Variants in PDLIM5 observed in about 807,000 individuals in gnomAD.
The protein encoded by PDLIM5 is PDZ and LIM domain protein 5.
PDLIM5 carries 34 observed loss-of-function variants against 64.2 expected under a neutral mutation model. The ratio of observed to expected loss-of-function variants is 0.53; its 90% CI spans 0.40 to 0.71. The LOEUF is 0.71. PDLIM5 is among the 30% of genes least tolerant of loss of function. The pLI is 0.00. For missense variants in PDLIM5, 683 were observed against 733.6 expected, an observed-to-expected ratio of 0.93 and a Z score of 0.80; for synonymous variants, 253 against 269.1, an observed-to-expected ratio of 0.94 and a Z score of 0.59.
chr4:94,458,704 G>T (rs1167874007), intron 2 of PDLIM5, among the ~76,000 whole-genome samples: 1 of 152,108 alleles, frequency 6.6e-6, no homozygotes, highest in Non-Finnish European at 1.5e-5. Context: ...CACTAGCAGG[G>T]ACTTGAACAT....
chr4:94,563,626 T>C (rs1734028862), intron 3 of PDLIM5, among the ~76,000 whole-genome samples: 1 of 152,216 alleles, frequency 6.6e-6, no homozygotes, highest in Non-Finnish European at 1.5e-5. Context: ...AGGTTTGCAA[T>C]TTAACACGTT....
At chr4:94,501,913 C>T (rs527930684) in intron 2 of PDLIM5, among the ~76,000 whole-genome samples, 1 of 152,184 alleles carries the variant, frequency 6.6e-6, no homozygotes, top group Non-Finnish European at 1.5e-5. Flanking sequence ...CTTCTTTCCT[C>T]TCTGGATGAG....
At chr4:94,497,723 G>A (rs1560656552) in intron 2 of PDLIM5, among the ~76,000 whole-genome samples, 1 of 152,148 alleles carries the variant, frequency 6.6e-6, no homozygotes, top group Non-Finnish European at 1.5e-5. Flanking sequence ...GAAATGTTTT[G>A]TGTTAACTGT....
chr4:94,473,967 C>T (rs948055844), intron 2 of PDLIM5, among the ~76,000 whole-genome samples: 2 of 152,108 alleles, frequency 1.3e-5, no homozygotes, highest in African/African-American at 4.8e-5. Context: ...CAATAATACT[C>T]ACTTTAAAAA....
At chr4:94,504,988 A>T (rs1165245682) in intron 2 of PDLIM5, among the ~76,000 whole-genome samples, 2 of 152,204 alleles carry the variant, frequency 1.3e-5, no homozygotes, top group Non-Finnish European at 2.9e-5. Flanking sequence ...ATTTTATAAC[A>T]GTGCCCTGAG....
intron 8 of PDLIM5, among the ~76,000 whole-genome samples, chr4:94,618,551 TAAC>T (rs1311991197): frequency 6.6e-6 from 1 of 152,162 alleles, no homozygotes; most frequent in African/African-American, 2.4e-5. Flanking sequence ...TATGTACAAA[TAAC>T]AACCACAGAA....
At chr4:94,497,803 T>C (rs1727540069) in intron 2 of PDLIM5, among the ~76,000 whole-genome samples, 1 of 152,106 alleles carries the variant, frequency 6.6e-6, no homozygotes. Flanking sequence ...TCTTAGGAGA[T>C]TTTGGGCCAC....
intron 8 of PDLIM5, among the ~76,000 whole-genome samples, chr4:94,631,394 C>T (rs147615205): frequency 4.6e-5 from 7 of 152,164 alleles, no homozygotes; most frequent in African/African-American, 7.2e-5. Flanking sequence ...TTACAGAATA[C>T]ATGAAGGGCT....
Position 94,501,554 on chromosome 4 carries a change from CTAA to C in PDLIM5, c.97-22163_97-22161del, listed in dbSNP as rs1051086076. Among the ~76,000 whole-genome samples the C allele has an allele frequency of 7.2e-5, 11 of 152,266 alleles. No homozygotes were observed. The South Asian group carries it at 1.9e-3, about 26-fold the overall frequency. ...GACAGTAATTTTATGTCTGTTGAAT[CTAA>C]TAATAAGAATTTGGGGCCTGTATTT... On this transcript the variant is annotated intron_variant, in intron 2 of 12. Transcript: ENST00000317968.
rs149043355 is a variant in PDLIM5 at position 94,553,432 on chromosome 4, C to T, written c.249-19919C>T. Reference sequence around the variant, plus strand: ...CCAAATGATCGGTTTTAGTTATTAGCGTCTGACTTCCTTTTGCGATAGTAC... The same window carrying T: ...CCAAATGATCGGTTTTAGTTATTAGTGTCTGACTTCCTTTTGCGATAGTAC... On this transcript the variant is annotated intron_variant, in intron 3 of 12. Transcript: ENST00000317968. Among the ~76,000 whole-genome samples, 11 of 152,286 alleles carry T rather than the reference C, an allele frequency of 7.2e-5. No homozygotes were observed. The East Asian group carries it at 1.9e-3, about 27-fold the overall frequency.
Position 94,455,368 on chromosome 4 carries a change from C to G in PDLIM5, c.80C>G (p.Pro27Arg). Residue 27 changes from proline (P) to arginine (R), a missense_variant, in exon 2 of 13, where the codon CCT becomes CGT. Pro to Arg is a moderately radical substitution (Grantham distance 103). Transcript: ENST00000317968. ...CAGGGCGGTAAGGATTTCAACATGC[C>G]TCTGACAATCTCTAGTGTAAGTAAA... The part of the protein sequence containing the change: ...RLQGGKDFNM[P>R]LTISSLKDGG... 2 of 1,606,234 alleles carry G rather than the reference C, an allele frequency of 1.2e-6. No homozygotes were observed. Among genetic ancestry groups the G allele is most frequent in the Non-Finnish European group, 8.5e-7 (1 of 1,172,802 alleles).
chr4:94,572,905 T>A (rs1021995339), intron 3 of PDLIM5, among the ~76,000 whole-genome samples: 9 of 152,226 alleles, frequency 5.9e-5, no homozygotes, highest in Admixed American at 1.3e-4. Flanking sequence ...AGAGACCCAA[T>A]ATCCTGTGGA....
At chr4:94,532,238 A>G (rs1306644320) in intron 3 of PDLIM5, among the ~76,000 whole-genome samples, 1 of 152,208 alleles carries the variant, frequency 6.6e-6, no homozygotes, top group African/African-American at 2.4e-5. Context: ...CATCATTCCA[A>G]CAGTTACTAC....
At chr4:94,461,677 T>C (rs1044784034) in intron 2 of PDLIM5, among the ~76,000 whole-genome samples, 10 of 152,316 alleles carry the variant, frequency 6.6e-5, no homozygotes, top group African/African-American at 2.4e-4. Context: ...TTATAGCTGA[T>C]GTTGTCACCC....
At chr4:94,642,480 A>G (rs1157111473) in intron 9 of PDLIM5, among the ~76,000 whole-genome samples, 1 of 152,214 alleles carries the variant, frequency 6.6e-6, no homozygotes, top group Non-Finnish European at 1.5e-5. Flanking sequence ...TGCCGTGTAA[A>G]ATAAATATGT....
At chr4:94,584,290 T>G (rs1324782195) in intron 5 of PDLIM5, 1 of 152,210 alleles carries the variant, frequency 6.6e-6, no homozygotes, top group Non-Finnish European at 1.5e-5. Flanking sequence ...ATTTGCCCTG[T>G]TTTGAGGGGG....
intron 8 of PDLIM5, among the ~76,000 whole-genome samples, chr4:94,627,884 G>A (rs779173408): frequency 6.6e-6 from 1 of 152,188 alleles, no homozygotes; most frequent in Non-Finnish European, 1.5e-5. Context: ...CTTGTCTGTA[G>A]TGTCTTTAAG....
At chr4:94,553,684 GA>G (rs1733013692) in intron 3 of PDLIM5, among the ~76,000 whole-genome samples, 1 of 152,084 alleles carries the variant, frequency 6.6e-6, no homozygotes. Context: ...TCACTGTGTG[GA>G]TTACCTTAGT....
intron 8 of PDLIM5, among the ~76,000 whole-genome samples, chr4:94,637,558 C>CA (rs1045137662): frequency 6.7e-5 from 10 of 149,696 alleles, no homozygotes; most frequent in African/African-American, 2.5e-4. Flanking sequence ...GACTCCGTCT[C>CA]AAAAAAAAAG....
Sources: gnomAD v4.1 joint callset for allele counts (sites outside exome capture counted in the v4.1 genomes callset) on GRCh38, gnomAD v4.1.1 for gene constraint, MANE v1.5 for transcripts, NCBI Gene and HGNC (gene_info 2026-07-23, HGNC 2026-07-21) for gene names.